KIF26B: variants seen among roughly 807,000 people sequenced by gnomAD.
KIF26B encodes kinesin-like protein KIF26B.
A neutral mutation model predicts 151.2 loss-of-function variants in KIF26B; 63 were observed. That is an observed-to-expected ratio of 0.42 (90% confidence interval 0.34 to 0.51). The LOEUF (loss-of-function observed/expected upper bound fraction) is 0.51, where lower values mean the gene tolerates loss of function less well. KIF26B is among the 20% of genes least tolerant of loss of function. The pLI, the probability that KIF26B is intolerant of heterozygous loss-of-function variation, is 0.07. For synonymous variants in KIF26B, 1,357 were observed against 1,262.1 expected (o/e 1.08, Z -1.59); for missense variants, 2,813 against 2,913.6 (o/e 0.97, Z 0.79).
intron 2 of KIF26B, among the ~76,000 whole-genome samples, chr1:245,259,974 C>T (rs2103569408): frequency 6.7e-6 from 1 of 148,188 alleles, no homozygotes; most frequent in South Asian, 2.1e-4. Flanking sequence ...CTTTTCTCTA[C>T]TGAGTTTCTT....
At position 245,184,050 on chromosome 1, in the gene KIF26B, G is replaced by GTTT. The variant is rs758993117; in HGVS notation, c.465+27384_465+27386dup. On this transcript the variant is annotated intron_variant, in intron 2 of 14. Transcript: ENST00000407071. ...GCAACAGGTATGGGTGGGAGTTGTT[G>GTTT]TTTTTTTTTTTTTTTTTTTGAGCTT... Among the ~76,000 whole-genome samples, 60 of 19,808 alleles carry GTTT rather than the reference G, an allele frequency of 3.0e-3. 13 individuals carry two copies. The highest frequency in any genetic ancestry group is 4.2e-3 in the Admixed American group (4 of 960). The allele number at this position is 19,808 out of a possible 152,430, so 13.0% of individuals were successfully genotyped here.
chr1:245,569,574 T>G (rs75589798), intron 5 of KIF26B, among the ~76,000 whole-genome samples: 5,123 of 151,874 alleles, frequency 0.034, 329 homozygotes, highest in African/African-American at 0.12. Context: ...GTCACTGCAC[T>G]CCAGCCTGGG....
intron 4 of KIF26B, among the ~76,000 whole-genome samples, chr1:245,534,538 A>G (rs905940063): frequency 1.4e-4 from 21 of 152,186 alleles, no homozygotes; most frequent in African/African-American, 5.1e-4. Context: ...GAAATAAGGC[A>G]CAGATAATTA....
At chr1:245,350,399 G>A (rs1387143585) in intron 2 of KIF26B, among the ~76,000 whole-genome samples, 1 of 152,098 alleles carries the variant, frequency 6.6e-6, no homozygotes, top group Non-Finnish European at 1.5e-5. Context: ...GAAACCCTTC[G>A]ACCTTTTCTG....
intron 4 of KIF26B, among the ~76,000 whole-genome samples, chr1:245,484,709 T>TCTC (rs921113408): frequency 6.6e-5 from 10 of 151,436 alleles, no homozygotes; most frequent in African/African-American, 2.2e-4. Context: ...TCCTTCTCCT[T>TCTC]CTTCTTTCTT....
chr1:245,526,991 T>C (rs1661250253), intron 4 of KIF26B, among the ~76,000 whole-genome samples: 2 of 152,376 alleles, frequency 1.3e-5, no homozygotes, highest in South Asian at 4.1e-4. Flanking sequence ...TGAAGGAAGA[T>C]AAATACTAAG....
chr1:245,648,919 T>C (rs1166533198), intron 10 of KIF26B, among the ~76,000 whole-genome samples: 1 of 152,188 alleles, frequency 6.6e-6, no homozygotes, highest in Admixed American at 6.5e-5. Context: ...CGTGGCCTGG[T>C]TGAGCTGTTG....
At chr1:245,436,885 C>CCT (rs1171317994) in intron 4 of KIF26B, among the ~76,000 whole-genome samples, 3 of 130,872 alleles carry the variant, frequency 2.3e-5, no homozygotes, top group East Asian at 2.4e-4. Flanking sequence ...TCACTTTCTC[C>CCT]CTCTCTTTTT....
chr1:245,630,529 CAAT>C (rs2043769988), intron 9 of KIF26B, among the ~76,000 whole-genome samples: 1 of 152,050 alleles, frequency 6.6e-6, no homozygotes, highest in Non-Finnish European at 1.5e-5. Context: ...GGGAGTTGAA[CAAT>C]GAGAACACAT....
At chr1:245,614,297 C>T (rs1371635772) in intron 9 of KIF26B, among the ~76,000 whole-genome samples, 2 of 152,162 alleles carry the variant, frequency 1.3e-5, no homozygotes, top group African/African-American at 4.8e-5. Context: ...GCCTCAGCCT[C>T]CTGAGTAGCT....
intron 9 of KIF26B, among the ~76,000 whole-genome samples, chr1:245,631,081 T>TG (rs1172499728): frequency 6.6e-6 from 1 of 152,184 alleles, no homozygotes; most frequent in Non-Finnish European, 1.5e-5. Flanking sequence ...GAGGAACAAT[T>TG]TGACTTTCGC....
intron 2 of KIF26B, among the ~76,000 whole-genome samples, chr1:245,205,873 G>A (rs1484405061): frequency 3.5e-5 from 4 of 113,706 alleles, no homozygotes; most frequent in Non-Finnish European, 4.9e-5. Context: ...CCAAGTAGCT[G>A]GGACTACAGG....
intron 4 of KIF26B, among the ~76,000 whole-genome samples, chr1:245,484,773 T>A (rs866125827): frequency 2.4e-5 from 3 of 127,070 alleles, no homozygotes; most frequent in Non-Finnish European, 3.6e-5. Context: ...CTTCATATTA[T>A]TATTATTATT....
intron 4 of KIF26B, among the ~76,000 whole-genome samples, chr1:245,537,545 CAA>C (rs1302257450): frequency 6.6e-6 from 1 of 152,132 alleles, no homozygotes; most frequent in Admixed American, 6.5e-5. Context: ...AGCAATTCAG[CAA>C]GAGAAGTCTG....
intron 4 of KIF26B, among the ~76,000 whole-genome samples, chr1:245,521,037 C>T (rs1003113014): frequency 2.6e-5 from 4 of 152,058 alleles, no homozygotes; most frequent in Non-Finnish European, 5.9e-5. Flanking sequence ...GTGCTGTACC[C>T]GTTAAAAAGC....
chr1:245,470,098 A>G (rs1176823998), intron 4 of KIF26B, among the ~76,000 whole-genome samples: 1 of 152,118 alleles, frequency 6.6e-6, no homozygotes, highest in Non-Finnish European at 1.5e-5. Flanking sequence ...CGAGCCACAC[A>G]CACTGATTGT....
intron 4 of KIF26B, among the ~76,000 whole-genome samples, chr1:245,517,354 CAA>C (rs530805018): frequency 7.5e-5 from 8 of 107,190 alleles, no homozygotes; most frequent in Non-Finnish European, 5.9e-5. Flanking sequence ...GACTCTGTCT[CAA>C]AAAAAAAAAA....
chr1:245,258,598 G>T (rs1283248598), intron 2 of KIF26B, among the ~76,000 whole-genome samples: 2 of 152,156 alleles, frequency 1.3e-5, no homozygotes, highest in African/African-American at 4.8e-5. Context: ...TTAGCAACTG[G>T]CCCCTTTCCA....
chr1:245,411,181 T>C (rs112496661), intron 3 of KIF26B, among the ~76,000 whole-genome samples: 22 of 152,348 alleles, frequency 1.4e-4, no homozygotes, highest in Middle Eastern at 3.4e-3. Context: ...TAGGAAAGGT[T>C]CATGACACTG....
Sources: allele counts gnomAD v4.1 joint callset (sites outside exome capture counted in the v4.1 genomes callset), GRCh38; gene constraint gnomAD v4.1.1; transcripts MANE v1.5; gene names NCBI Gene and HGNC (gene_info 2026-07-23, HGNC 2026-07-21).